Variants in RUSC2 observed in about 807,000 individuals in gnomAD.
The protein encoded by RUSC2 is AP-4 complex accessory subunit RUSC2.
Under a neutral mutation model 122.2 loss-of-function variants are expected in RUSC2, and 34 were observed. The ratio of observed to expected loss-of-function variants is 0.28; its 90% CI spans 0.21 to 0.37. RUSC2 has a LOEUF of 0.37. Among genes scored for constraint, RUSC2 ranks in the 10% least tolerant of loss-of-function variants. The probability of loss-of-function intolerance (pLI) is 1.00; values close to 1 mark genes in which losing one functional copy is unlikely to be tolerated. For missense variants in RUSC2, 1,747 were observed against 1,952.4 expected, an observed-to-expected ratio of 0.89 and a Z score of 1.98; for synonymous variants, 784 against 790.0, an observed-to-expected ratio of 0.99 and a Z score of 0.13.
intron 1 of RUSC2, among the ~76,000 whole-genome samples, chr9:35,530,021 C>CAGG (rs992287904): frequency 1.3e-5 from 2 of 152,118 alleles, no homozygotes; most frequent in African/African-American, 4.8e-5. Flanking sequence ...GCACAATCTC[C>CAGG]ACTCACCGCA....
In RUSC2 at chr9:35,546,834, C is replaced by G. The variant is rs758895978; in HGVS notation, c.313C>G (p.Leu105Val). 6.2e-7 allele frequency: 1 copy of G among 1,611,498 alleles called. No homozygotes were observed. Among genetic ancestry groups the G allele is most frequent in the African/African-American group, 1.3e-5 (1 of 75,032 alleles). ...CCCCAAACGACACAACCCCTTCTTG[C>G]TGCAGGAGGGTGTGGGTGAGCCAGG... is the stretch of plus-strand genomic sequence containing the variant. ...GAPKRHNPFLLQEGVGEPGLG... is the reference protein window; with the variant it reads ...GAPKRHNPFLVQEGVGEPGLG... Residue 105 changes from leucine to valine, a missense_variant, in exon 2 of 12, where the codon CTG becomes GTG. Leu to Val is a conservative substitution (Grantham distance 32, BLOSUM62 1). Coordinates refer to ENST00000361226, the MANE Select transcript of RUSC2 (RefSeq NM_014806.5). This position sits in a 1 kb window ranked among gnomAD's most constrained non-coding sequence, Gnocchi z 4.3.
At chr9:35,540,061 T>C (rs1821611884) in intron 1 of RUSC2, among the ~76,000 whole-genome samples, 1 of 152,174 alleles carries the variant, frequency 6.6e-6, no homozygotes, top group Admixed American at 6.5e-5. Flanking sequence ...CCAGAGTTGC[T>C]CCATTGCTGA....
Position 35,561,197 on chromosome 9 carries a change from T to C in RUSC2, c.4366T>C (p.Cys1456Arg). The C allele has an allele frequency of 6.2e-7, 1 of 1,614,026 alleles. No homozygotes were observed. Among genetic ancestry groups the C allele is most frequent in the Non-Finnish European group, 8.5e-7 (1 of 1,179,982 alleles). Residue 1456 changes from cysteine (C) to arginine (R), a missense_variant, in exon 12 of 12, where the codon TGC becomes CGC. Coordinates refer to ENST00000361226, the MANE Select transcript of RUSC2 (RefSeq NM_014806.5). ...TTTCCCCAGTGAGGTGCAGGCACTG[T>C]GCCACCACCTGGCCACCGGCCCTGG... is the stretch of plus-strand genomic sequence containing the variant. ...SSPPCEVQAL[C>R]HHLATGPGQL...
At chr9:35,512,480 C>G (rs1268556974) in intron 1 of RUSC2, among the ~76,000 whole-genome samples, 2 of 152,082 alleles carry the variant, frequency 1.3e-5, no homozygotes, top group Non-Finnish European at 2.9e-5. Flanking sequence ...GATACCTGTT[C>G]TCCCAGTACA....
At chr9:35,495,266 T>C (rs78088441) in intron 1 of RUSC2, among the ~76,000 whole-genome samples, 2 of 119,888 alleles carry the variant, frequency 1.7e-5, no homozygotes, top group Non-Finnish European at 3.3e-5. Flanking sequence ...AAAATATATT[T>C]TTTATATATT....
chr9:35,493,042 G>C (rs1379040723), intron 1 of RUSC2, among the ~76,000 whole-genome samples: 1 of 151,770 alleles, frequency 6.6e-6, no homozygotes, highest in East Asian at 1.9e-4. Flanking sequence ...TTGTTATATA[G>C]ATAAACTCAT....
chr9:35,516,580 T>C (rs1821112669), intron 1 of RUSC2, among the ~76,000 whole-genome samples: 1 of 152,230 alleles, frequency 6.6e-6, no homozygotes, highest in Non-Finnish European at 1.5e-5. Flanking sequence ...AAGTGTTTTA[T>C]GTGAGGGAAA....
intron 1 of RUSC2, among the ~76,000 whole-genome samples, chr9:35,531,260 C>CA (rs201948661): frequency 8.3e-4 from 121 of 146,494 alleles, no homozygotes; most frequent in Middle Eastern, 3.5e-3. Flanking sequence ...GACTCTCTCT[C>CA]AAAAAAAAAA....
Position 35,557,300 on chromosome 9 carries a change from A to G in RUSC2, c.2984-614A>G, listed in dbSNP as rs1319064124. The stretch of plus-strand genomic sequence containing the variant: ...AGCTCAGGGAGAAAGAACCCGGGCA[A>G]GAAGGGAAACGGCCACCTTCCTCCA... On this transcript the variant is annotated intron_variant, in intron 5 of 11. Transcript: ENST00000361226. This position sits in a 1 kb window ranked among gnomAD's most constrained non-coding sequence, Gnocchi z 4.6. Among the ~76,000 whole-genome samples, 1 of 152,202 alleles carries G rather than the reference A, an allele frequency of 6.6e-6. No homozygotes were observed. The highest frequency in any genetic ancestry group is 2.4e-5 in the African/African-American group (1 of 41,452).
At chr9:35,496,771 A>G (rs1404154290) in intron 1 of RUSC2, among the ~76,000 whole-genome samples, 3 of 152,184 alleles carry the variant, frequency 2.0e-5, no homozygotes, top group Admixed American at 6.5e-5. Flanking sequence ...ATTAAGCTGG[A>G]TATACTATAG....
chr9:35,494,176 C>A (rs1443038074), intron 1 of RUSC2, among the ~76,000 whole-genome samples: 1 of 151,372 alleles, frequency 6.6e-6, no homozygotes, highest in East Asian at 1.9e-4. Flanking sequence ...TAAATAACAA[C>A]CATCCTAGGC....
In RUSC2 at chr9:35,560,068, G is replaced by A. The variant is rs2131705425; in HGVS notation, c.3428G>A (p.Ser1143Asn). The A allele has an allele frequency of 1.9e-6, 3 of 1,612,378 alleles. No individual in the cohort carries two copies. The highest frequency in any genetic ancestry group is 2.2e-5 in the East Asian group (1 of 44,822). Residue 1143 changes from serine (S) to asparagine (N), a missense_variant, in exon 10 of 12, where the codon AGT becomes AAT. Ser to Asn is a conservative substitution (Grantham distance 46). Transcript: ENST00000361226. The stretch of plus-strand genomic sequence containing the variant: ...CACTACCAGCCCTGGGGCTTCCTGA[G>A]TGCAGCTCATACCGTGTGTCCCGGC... The part of the protein sequence containing the change: ...QTHYQPWGFL[S>N]AAHTVCPGLF...
intron 1 of RUSC2, among the ~76,000 whole-genome samples, chr9:35,491,437 T>C (rs1820565921): frequency 6.6e-6 from 1 of 152,226 alleles, no homozygotes. Flanking sequence ...ATACCTGGTA[T>C]TCTGTTAGTT....
At chr9:35,495,043 GTATA>G (rs200538250) in intron 1 of RUSC2, among the ~76,000 whole-genome samples, 21,680 of 74,648 alleles carry the variant, frequency 0.29, 3,278 homozygotes, top group Non-Finnish European at 0.34. Context: ...ATATACTATA[GTATA>G]TATAATATAT....
At position 35,555,358 on chromosome 9, in the gene RUSC2, C is replaced by A; in HGVS notation, c.2313C>A (p.Thr771=). 1.2e-6 allele frequency: 2 copies of A among 1,614,242 alleles called. No individual in the cohort carries two copies. Among genetic ancestry groups the A allele is most frequent in the South Asian group, 2.2e-5 (2 of 91,090 alleles). Residue 771 remains threonine (T), a synonymous_variant, in exon 3 of 12, where the codon ACC becomes ACA. Transcript: ENST00000361226. The surrounding 1 kb of genome is among the most constrained non-coding windows in gnomAD (Gnocchi z 4.6). ...GGAAAGCTGGGTCTGAGCCAGAGAC[C>A]TCTCGGCCATCGCCCCTGGGCAGCT... ...GARKAGSEPE[T]SRPSPLGSYS...
intron 1 of RUSC2, among the ~76,000 whole-genome samples, chr9:35,504,258 C>T (rs976761437): frequency 6.6e-6 from 1 of 152,052 alleles, no homozygotes; most frequent in Non-Finnish European, 1.5e-5. Flanking sequence ...CATACACTGG[C>T]AATGAATGAA....
At chr9:35,530,679 G>A (rs542931146) in intron 1 of RUSC2, among the ~76,000 whole-genome samples, 4 of 151,948 alleles carry the variant, frequency 2.6e-5, no homozygotes, top group Admixed American at 6.6e-5. Flanking sequence ...TCACTCTGTC[G>A]CCCAGGCTGG....
intron 1 of RUSC2, among the ~76,000 whole-genome samples, chr9:35,523,806 C>T (rs1821267623): frequency 6.6e-6 from 1 of 150,920 alleles, no homozygotes; most frequent in African/African-American, 2.4e-5. Flanking sequence ...CAGAGGGAGA[C>T]TCCATCTCAA....
chr9:35,560,534 C>G lies in RUSC2; in HGVS notation c.3894C>G (p.Ser1298Arg). The G allele has an allele frequency of 6.2e-7, 1 of 1,614,162 alleles. No individual in the cohort carries two copies. The highest frequency in any genetic ancestry group is 8.5e-7 in the Non-Finnish European group (1 of 1,180,014). ...GGTTCCCTCGTGGTAGCAGCAACAG[C>G]AGCAGCGAGAAAAAGAAAGGGGCAG... ...GSRFPRGSSNSSSEKKKGAGG... is the reference protein window; with the variant it reads ...GSRFPRGSSNRSSEKKKGAGG... Residue 1298 changes from serine (S) to arginine (R), a missense_variant, in exon 10 of 12, where the codon AGC becomes AGG. Ser to Arg is a moderately radical substitution (Grantham distance 110). Transcript: ENST00000361226.
Sources: allele counts gnomAD v4.1 joint callset (sites outside exome capture counted in the v4.1 genomes callset), GRCh38; gene constraint gnomAD v4.1.1; non-coding constraint Gnocchi (gnomAD v3.1); transcripts MANE v1.5; gene names NCBI Gene and HGNC (gene_info 2026-07-23, HGNC 2026-07-21).